The following SLC35F1 variants were observed in gnomAD, a reference collection of about 807,000 sequenced individuals.
SLC35F1 encodes the protein solute carrier family 35 member F1.
A neutral mutation model predicts 48.7 loss-of-function variants in SLC35F1; 14 were observed. The observed-to-expected ratio is 0.29, with a 90% CI of 0.19 to 0.45. SLC35F1 has a LOEUF of 0.45. SLC35F1 is among the 20% of genes least tolerant of loss of function. The pLI is 1.00. For synonymous variants in SLC35F1, 190 were observed against 202.2 expected (o/e 0.94, Z 0.51); for missense variants, 404 against 500.0 (o/e 0.81, Z 1.83).
At chr6:117,993,151 G>A (rs899955052) in intron 1 of SLC35F1, among the ~76,000 whole-genome samples, 2 of 152,118 alleles carry the variant, frequency 1.3e-5, no homozygotes, top group Admixed American at 1.3e-4. Flanking sequence ...ATAGAAACAT[G>A]CTCTTTCTGC....
At chr6:117,993,061 T>G (rs550100410) in intron 1 of SLC35F1, among the ~76,000 whole-genome samples, 1 of 152,320 alleles carries the variant, frequency 6.6e-6, no homozygotes, top group East Asian at 1.9e-4. Context: ...GAGCTCTCTC[T>G]TCCTGCTCAG....
chr6:118,259,258 T>G (rs1247738213), intron 3 of SLC35F1, among the ~76,000 whole-genome samples: 2 of 151,958 alleles, frequency 1.3e-5, no homozygotes, highest in Non-Finnish European at 2.9e-5. Context: ...ACAGTAAGAT[T>G]GGAACATTCA....
intron 1 of SLC35F1, among the ~76,000 whole-genome samples, chr6:118,047,347 C>T (rs767438944): frequency 2.0e-5 from 3 of 152,088 alleles, no homozygotes; most frequent in Non-Finnish European, 4.4e-5. Context: ...AGGGCATTCC[C>T]GTCACAAATT....
At chr6:117,994,048 G>A (rs1021788253) in intron 1 of SLC35F1, among the ~76,000 whole-genome samples, 1 of 152,036 alleles carries the variant, frequency 6.6e-6, no homozygotes, top group Non-Finnish European at 1.5e-5. Flanking sequence ...CTCTGCAGGC[G>A]CTAGGGGAGA....
At position 118,141,567 on chromosome 6, in the gene SLC35F1, GC is replaced by G. The variant is rs973759128; in HGVS notation, c.174-12873del. Among the ~76,000 whole-genome samples, 6 of 152,222 alleles carry G rather than the reference GC, an allele frequency of 3.9e-5. No individual in the cohort carries two copies. In the South Asian group the frequency reaches 6.2e-4, roughly 16 times the overall value. On this transcript the variant is annotated intron_variant, in intron 1 of 7. Coordinates refer to ENST00000360388, the MANE Select transcript of SLC35F1 (RefSeq NM_001029858.4). The stretch of plus-strand genomic sequence containing the variant: ...TAGGATGGTCAGGTTCCTGTGAGGG[GC>G]CCCCTTCCTGGTTGCAGACTGCCAC...
chr6:118,290,252 C>A (rs984528264), intron 7 of SLC35F1, among the ~76,000 whole-genome samples: 3 of 151,040 alleles, frequency 2.0e-5, no homozygotes, highest in Non-Finnish European at 4.4e-5. Flanking sequence ...ACAAAATTGA[C>A]TTTTTAATTT....
chr6:118,276,196 T>C (rs1034714752), intron 5 of SLC35F1, among the ~76,000 whole-genome samples: 17 of 152,212 alleles, frequency 1.1e-4, no homozygotes, highest in African/African-American at 3.6e-4. Flanking sequence ...ATTCTACAAC[T>C]GGAACGTATA....
At chr6:117,970,673 G>T (rs1420023024) in intron 1 of SLC35F1, among the ~76,000 whole-genome samples, 1 of 152,166 alleles carries the variant, frequency 6.6e-6, no homozygotes, top group African/African-American at 2.4e-5. Flanking sequence ...TCACAATCAT[G>T]GCAAAAGGAG....
intron 2 of SLC35F1, among the ~76,000 whole-genome samples, chr6:118,159,017 G>A (rs1774185955): frequency 2.0e-5 from 3 of 151,756 alleles, no homozygotes; most frequent in African/African-American, 7.3e-5. Context: ...TCAGAAGATC[G>A]AGATCATCCT....
rs1167133228 is a variant in SLC35F1, at chr6:117,907,360, A to G, written c.-367A>G. 6.6e-6 allele frequency among the ~76,000 whole-genome samples: 1 copy of G among 150,710 alleles called. No individual in the cohort carries two copies. Among genetic ancestry groups the G allele is most frequent in the Non-Finnish European group, 1.5e-5 (1 of 67,588 alleles). ...CGAGGAGACCCGGGCACGAGGAAAC[A>G]AGGAGAAATCAGGACTCCTTCCCCG... is the stretch of plus-strand genomic sequence containing the variant. On this transcript the variant is annotated 5_prime_UTR_variant, in exon 1 of 8. Transcript: ENST00000360388.
intron 2 of SLC35F1, among the ~76,000 whole-genome samples, chr6:118,233,452 G>A (rs1775322086): frequency 6.6e-6 from 1 of 152,192 alleles, no homozygotes; most frequent in South Asian, 2.1e-4. Flanking sequence ...GATCACATCT[G>A]CCAGCCTTCT....
chr6:118,020,532 G>A (rs1217950608), intron 1 of SLC35F1, among the ~76,000 whole-genome samples: 1 of 152,190 alleles, frequency 6.6e-6, no homozygotes, highest in African/African-American at 2.4e-5. Context: ...GAAGGCAAAT[G>A]ATCACAAATG....
chr6:117,999,319 GC>G, intron 1 of SLC35F1: 1 of 1,595,862 alleles, frequency 6.3e-7, no homozygotes, highest in Admixed American at 1.7e-5. Context: ...TTGCCAAGGG[GC>G]TCAGGCTGTG....
At chr6:118,148,181 T>C (rs1440803498) in intron 1 of SLC35F1, among the ~76,000 whole-genome samples, 1 of 152,186 alleles carries the variant, frequency 6.6e-6, no homozygotes, top group Non-Finnish European at 1.5e-5. Context: ...ATGACTTTCC[T>C]GAGAATAGTT....
intron 1 of SLC35F1, among the ~76,000 whole-genome samples, chr6:118,015,027 G>A (rs1304260068): frequency 6.6e-6 from 1 of 152,170 alleles, no homozygotes; most frequent in African/African-American, 2.4e-5. Flanking sequence ...TGTTCTCATG[G>A]TCGTGAATAA....
chr6:118,095,963 G>C lies in SLC35F1; in HGVS notation c.174-58482G>C, dbSNP rs576383466. ...CAACTGAGTGCCAAGCCATAGACTTGGATCTCTGATTTACTAAGTCTACTT... is the reference window on the plus strand; with the variant it reads ...CAACTGAGTGCCAAGCCATAGACTTCGATCTCTGATTTACTAAGTCTACTT... On this transcript the variant is annotated intron_variant, in intron 1 of 7. Coordinates refer to ENST00000360388, the MANE Select transcript of SLC35F1 (RefSeq NM_001029858.4). Among the ~76,000 whole-genome samples the C allele has an allele frequency of 1.1e-4, 17 of 152,280 alleles. No homozygotes were observed. In the South Asian group the frequency reaches 1.7e-3, roughly 15 times the overall value.
chr6:118,316,327 G>GT lies in SLC35F1; in HGVS notation c.*2077dup, dbSNP rs551288736. 2.0e-5 allele frequency: 3 copies of GT among 152,716 alleles called. No individual in the cohort carries two copies. The East Asian group carries it at 5.8e-4, about 29-fold the overall frequency. 9.5% of individuals were successfully genotyped at this position (152,716 alleles called of 1,614,324 possible). A position where few individuals can be genotyped will look rare whatever the true frequency, so the allele number is the denominator to read the frequency against. ...TATTTTCCATGGGGAAAATATCAGCGTTAAAGCTCTATCAAATCAAAACAA... is the reference window on the plus strand; with the variant it reads ...TATTTTCCATGGGGAAAATATCAGCGTTTAAAGCTCTATCAAATCAAAACAA... On this transcript the variant is annotated 3_prime_UTR_variant, in exon 8 of 8. Transcript: ENST00000360388.
intron 1 of SLC35F1, among the ~76,000 whole-genome samples, chr6:118,089,220 G>A (rs1205266296): frequency 6.6e-6 from 1 of 152,156 alleles, no homozygotes; most frequent in Non-Finnish European, 1.5e-5. Flanking sequence ...GGAAGACTCA[G>A]GATGAGGGCC....
intron 5 of SLC35F1, 33 bp from the exon 6 acceptor site, chr6:118,277,461 T>C: frequency 1.3e-6 from 2 of 1,599,820 alleles, no homozygotes; most frequent in Non-Finnish European, 1.7e-6. Flanking sequence ...ATTCTAATCT[T>C]GCTCATCAGG....
Sources: allele counts gnomAD v4.1 joint callset (sites outside exome capture counted in the v4.1 genomes callset), GRCh38; gene constraint gnomAD v4.1.1; transcripts MANE v1.5; gene names NCBI Gene and HGNC (gene_info 2026-07-23, HGNC 2026-07-21).